GLYR1: variants seen among roughly 807,000 people sequenced by gnomAD.
GLYR1 encodes glyoxylate reductase 1 homolog.
GLYR1 carries 21 observed loss-of-function variants against 72.7 expected under a neutral mutation model. The observed-to-expected ratio is 0.29, with a 90% CI of 0.20 to 0.42. The LOEUF is 0.42. Among genes scored for constraint, GLYR1 ranks in the 10% least tolerant of loss-of-function variants. The probability of loss-of-function intolerance (pLI) is 1.00; values close to 1 mark genes in which losing one functional copy is unlikely to be tolerated. For missense variants in GLYR1, 594 were observed against 712.1 expected (o/e 0.83, Z 1.89); for synonymous variants, 392 against 270.2 (o/e 1.45, Z -4.42).
chr16:4,805,653 C>A (rs1023505929), intron 15 of GLYR1, among the ~76,000 whole-genome samples: 12 of 152,038 alleles, frequency 7.9e-5, no homozygotes, highest in Non-Finnish European at 1.5e-5. Context: ...CCAGCCAGGC[C>A]AAAAAGGTGA....
intron 5 of GLYR1, among the ~76,000 whole-genome samples, chr16:4,829,111 C>T (rs1022447481): frequency 6.6e-5 from 10 of 152,078 alleles, no homozygotes; most frequent in East Asian, 1.9e-4. Flanking sequence ...CTTGGGCTGA[C>T]GGTATGCAGG....
chr16:4,847,202 C>G (rs753731094), intron 1 of GLYR1, 26 bp downstream of exon 1: 2 of 1,594,244 alleles, frequency 1.3e-6, no homozygotes, highest in Non-Finnish European at 8.5e-7. Flanking sequence ...CGGCGCGTCT[C>G]GGTTGGCCCG....
intron 3 of GLYR1, among the ~76,000 whole-genome samples, chr16:4,844,255 T>C (rs1346731876): frequency 6.6e-6 from 1 of 152,202 alleles, no homozygotes; most frequent in Non-Finnish European, 1.5e-5. Context: ...TAACATGTTA[T>C]ATGGTCAGAG....
intron 3 of GLYR1, among the ~76,000 whole-genome samples, chr16:4,833,458 G>C (rs754069205): frequency 6.6e-6 from 1 of 152,108 alleles, no homozygotes; most frequent in African/African-American, 2.4e-5. Context: ...CTGAAGAAAT[G>C]CAACATCTTC....
At position 4,823,023 on chromosome 16, in the gene GLYR1, C is replaced by T. The variant is rs556513198; in HGVS notation, c.625-92G>A. 147 of 1,022,508 alleles carry T rather than the reference C, an allele frequency of 1.4e-4. No individual in the cohort carries two copies. The African/African-American group carries it at 2.1e-3, about 15-fold the overall frequency. 63.3% of individuals were successfully genotyped at this position (1,022,508 alleles called of 1,614,324 possible). On this transcript the variant is annotated intron_variant, in intron 6 of 15. Coordinates refer to ENST00000321919, the MANE Select transcript of GLYR1 (RefSeq NM_032569.4). ...TAACTGGACTCTCCTCTGGCTGCAACACCTCTGGATTCTGGTCTCTTTTTC... is the reference window on the plus strand; with the variant it reads ...TAACTGGACTCTCCTCTGGCTGCAATACCTCTGGATTCTGGTCTCTTTTTC...
chr16:4,846,477 G>C (rs566425984), intron 1 of GLYR1, among the ~76,000 whole-genome samples: 56 of 152,344 alleles, frequency 3.7e-4, no homozygotes, highest in African/African-American at 1.2e-3. Flanking sequence ...CTTAATGACG[G>C]GGGTGGGAGG....
At chr16:4,815,266 G>C (rs926199869) in intron 10 of GLYR1, among the ~76,000 whole-genome samples, 2 of 151,274 alleles carry the variant, frequency 1.3e-5, no homozygotes, top group African/African-American at 2.4e-5. Flanking sequence ...CCCCATGTGT[G>C]ATTTTTTTTT....
chr16:4,810,564 T>C (rs1314218186), intron 15 of GLYR1, among the ~76,000 whole-genome samples: 2 of 148,452 alleles, frequency 1.3e-5, no homozygotes, highest in African/African-American at 5.0e-5. Flanking sequence ...AAGGAAACGA[T>C]AAAAGAAAAA....
At chr16:4,832,472 G>T (rs2084862773) in intron 4 of GLYR1, 1 of 588,542 alleles carries the variant, frequency 1.7e-6, no homozygotes, top group South Asian at 2.2e-5. Flanking sequence ...ATGTATTTCA[G>T]AGGCTATGCT....
intron 1 of GLYR1, 143 bp downstream of exon 1, chr16:4,847,085 G>T: frequency 2.6e-6 from 2 of 774,824 alleles, no homozygotes; most frequent in Admixed American, 2.4e-5. Context: ...GCCTGGCGCC[G>T]CTCGCAAGCG....
chr16:4,837,834 G>A (rs946485763), intron 3 of GLYR1, among the ~76,000 whole-genome samples: 1 of 152,060 alleles, frequency 6.6e-6, no homozygotes, highest in Non-Finnish European at 1.5e-5. Flanking sequence ...CGGAGGCTGA[G>A]GCAGGATAAT....
intron 5 of GLYR1, among the ~76,000 whole-genome samples, chr16:4,830,699 C>T (rs1293018013): frequency 6.6e-6 from 1 of 152,212 alleles, no homozygotes; most frequent in African/African-American, 2.4e-5. Context: ...GCGTTCCTGA[C>T]ACAGTCCCCT....
At chr16:4,845,979 A>T (rs2086000966) in intron 2 of GLYR1, among the ~76,000 whole-genome samples, 195 bp downstream of exon 2, 1 of 152,254 alleles carries the variant, frequency 6.6e-6, no homozygotes, top group Non-Finnish European at 1.5e-5. Flanking sequence ...ATAAGGGTTT[A>T]GAGAAGATTT....
Position 4,811,605 on chromosome 16 carries a change from G to C in GLYR1, c.1462+18C>G. ...AATCAAACACCAAATGCAAGAAGAG[G>C]GGCCAAAAACAACTCACTTTGGCAC... On this transcript the variant is annotated intron_variant, in intron 14 of 15. Transcript: ENST00000321919. The C allele has an allele frequency of 6.2e-7, 1 of 1,612,730 alleles. No homozygotes were observed. The highest frequency in any genetic ancestry group is 8.5e-7 in the Non-Finnish European group (1 of 1,179,924).
At chr16:4,829,817 AGC>A (rs1389938621) in intron 5 of GLYR1, among the ~76,000 whole-genome samples, 2 of 151,980 alleles carry the variant, frequency 1.3e-5, no homozygotes, top group Non-Finnish European at 2.9e-5. Flanking sequence ...GAATTACAGG[AGC>A]GTGCCACCAC....
intron 3 of GLYR1, among the ~76,000 whole-genome samples, chr16:4,842,703 CTTTA>C (rs913416086): frequency 5.4e-5 from 8 of 149,152 alleles, no homozygotes; most frequent in Non-Finnish European, 7.4e-5. Flanking sequence ...TGCACATAAT[CTTTA>C]TTTATTTTTT....
At chr16:4,809,823 C>A (rs1313614261) in intron 15 of GLYR1, among the ~76,000 whole-genome samples, 1 of 151,318 alleles carries the variant, frequency 6.6e-6, no homozygotes, top group African/African-American at 2.4e-5. Flanking sequence ...ACTCAAGAGG[C>A]TGAGGCATGA....
intron 12 of GLYR1, among the ~76,000 whole-genome samples, chr16:4,813,214 C>A (rs902904230): frequency 6.6e-5 from 10 of 152,246 alleles, no homozygotes; most frequent in Admixed American, 2.6e-4. Flanking sequence ...CCGCCCACCT[C>A]GGCCTCCCAA....
intron 3 of GLYR1, among the ~76,000 whole-genome samples, chr16:4,844,388 A>T (rs2085803358): frequency 6.6e-6 from 1 of 152,248 alleles, no homozygotes; most frequent in African/African-American, 2.4e-5. Flanking sequence ...AATTACTTTT[A>T]TTAACATAAA....
Sources: allele counts gnomAD v4.1 joint callset (sites outside exome capture counted in the v4.1 genomes callset), GRCh38; gene constraint gnomAD v4.1.1; transcripts MANE v1.5; gene names NCBI Gene and HGNC (gene_info 2026-07-23, HGNC 2026-07-21).